RBFOX1: variants seen among roughly 807,000 people sequenced by gnomAD.
RBFOX1 encodes RNA binding fox-1 homolog 1.
In RBFOX1, 8 loss-of-function variants were observed where a neutral mutation model predicts 57.7. The ratio of observed to expected loss-of-function variants is 0.14; its 90% CI spans 0.08 to 0.25. RBFOX1 has a LOEUF of 0.25. RBFOX1 is among the 10% of genes least tolerant of loss of function. RBFOX1 has a pLI of 1.00. For missense variants in RBFOX1, 611 were observed against 548.5 expected (o/e 1.11, Z -1.14); for synonymous variants, 326 against 222.4 (o/e 1.47, Z -4.15).
At chr16:7,189,075 T>C (rs1025448930) in intron 4 of RBFOX1, among the ~76,000 whole-genome samples, 1 of 151,098 alleles carries the variant, frequency 6.6e-6, no homozygotes, top group African/African-American at 2.4e-5. Context: ...TCTCAATGGA[T>C]AGAATCCTCA....
chr16:7,327,749 C>T (rs1003774141), intron 4 of RBFOX1, among the ~76,000 whole-genome samples: 2 of 152,092 alleles, frequency 1.3e-5, no homozygotes, highest in South Asian at 4.1e-4. Context: ...CTAGATCTTC[C>T]AGTGTTTCAA....
chr16:6,911,917 C>T (rs1429029442), intron 3 of RBFOX1, among the ~76,000 whole-genome samples: 4 of 152,110 alleles, frequency 2.6e-5, no homozygotes, highest in Non-Finnish European at 5.9e-5. Context: ...ATATAGAAGA[C>T]ACAGTGTAAG....
chr16:7,176,759 A>G (rs58354670), intron 4 of RBFOX1, among the ~76,000 whole-genome samples: 2,776 of 152,288 alleles, frequency 0.018, 83 homozygotes, highest in African/African-American at 0.063. Flanking sequence ...TCAAGGTAAG[A>G]CAGACACGAC....
intron 3 of RBFOX1, among the ~76,000 whole-genome samples, chr16:5,753,075 G>C (rs954588507): frequency 6.6e-6 from 1 of 151,904 alleles, no homozygotes; most frequent in Non-Finnish European, 1.5e-5. Context: ...TGGGAGGATT[G>C]CTTTAACCTA....
intron 1 of RBFOX1, among the ~76,000 whole-genome samples, chr16:6,093,753 C>G (rs1211591186): frequency 5.3e-5 from 8 of 152,004 alleles, no homozygotes; most frequent in African/African-American, 1.4e-4. Flanking sequence ...TCCTAAATAG[C>G]TGGGACCACA....
Position 6,019,537 on chromosome 16 carries a change from C to T in RBFOX1, c.-582C>T, listed in dbSNP as rs2095027615. On this transcript the variant is annotated 5_prime_UTR_variant, in exon 1 of 16. Coordinates refer to ENST00000550418, the MANE Select transcript of RBFOX1 (RefSeq NM_018723.4). This position sits in a 1 kb window ranked among gnomAD's most constrained non-coding sequence, Gnocchi z 4.2. ...TGGGGCGGGGGCGCTCTGCCAGCCC[C>T]GGGAACAGCAGAGGCGGCGGCACTG... 1 of 1,087,516 alleles carries T rather than the reference C, an allele frequency of 9.2e-7. No individual in the cohort carries two copies. Among genetic ancestry groups the T allele is most frequent in the Non-Finnish European group, 1.1e-6 (1 of 895,856 alleles). 67.4% of individuals were successfully genotyped at this position (1,087,516 alleles called of 1,614,324 possible). A position where few individuals can be genotyped will look rare whatever the true frequency, so the allele number is the denominator to read the frequency against.
chr16:6,578,347 C>T (rs867637387), intron 2 of RBFOX1, among the ~76,000 whole-genome samples: 1 of 152,064 alleles, frequency 6.6e-6, no homozygotes, highest in Admixed American at 6.5e-5. Flanking sequence ...AGCAATGTCC[C>T]CGGGACACAG....
At position 7,333,036 on chromosome 16, in the gene RBFOX1, A is replaced by G. The variant is rs759616730; in HGVS notation, c.28-185111A>G. The G allele has an allele frequency of 5.0e-6, 8 of 1,613,748 alleles. No individual in the cohort carries two copies. The East Asian group carries it at 1.6e-4, about 31-fold the overall frequency. Reference sequence around the variant, plus strand: ...TCTCAAGGAGTTCTCCTGCATCCTTATGGCGTGCCTATGATTGTACCGGCA... The same window carrying G: ...TCTCAAGGAGTTCTCCTGCATCCTTGTGGCGTGCCTATGATTGTACCGGCA... On this transcript the variant is annotated intron_variant, in intron 4 of 15. Coordinates refer to ENST00000550418, the MANE Select transcript of RBFOX1 (RefSeq NM_018723.4).
chr16:5,461,521 T>C (rs1465778256), intron 1 of RBFOX1, among the ~76,000 whole-genome samples: 4 of 152,206 alleles, frequency 2.6e-5, no homozygotes, highest in Admixed American at 6.5e-5. Flanking sequence ...GAAAGTTTCA[T>C]GCAGTTTTTT....
intron 2 of RBFOX1, among the ~76,000 whole-genome samples, chr16:6,583,130 A>C (rs992380202): frequency 2.0e-5 from 3 of 151,960 alleles, no homozygotes; most frequent in Non-Finnish European, 2.9e-5. Flanking sequence ...AGCATTCTCC[A>C]CTCAGAAAGC....
At chr16:5,633,399 G>A (rs1358254630) in intron 3 of RBFOX1, among the ~76,000 whole-genome samples, 1 of 152,108 alleles carries the variant, frequency 6.6e-6, no homozygotes, top group African/African-American at 2.4e-5. Context: ...TTCATTACAT[G>A]GATGAGCTCT....
intron 3 of RBFOX1, among the ~76,000 whole-genome samples, chr16:5,793,762 C>T (rs1280938859): frequency 1.3e-5 from 2 of 151,552 alleles, no homozygotes; most frequent in African/African-American, 4.9e-5. Flanking sequence ...TGTGTGCATG[C>T]ATGCATGTGT....
chr16:7,482,033 G>A (rs141097150), intron 4 of RBFOX1, among the ~76,000 whole-genome samples: 7 of 152,282 alleles, frequency 4.6e-5, no homozygotes, highest in East Asian at 3.9e-4. Context: ...GTCTTGAGTC[G>A]GGGCGATCTG....
chr16:6,888,944 T>A (rs2064789441), intron 3 of RBFOX1, among the ~76,000 whole-genome samples: 1 of 152,224 alleles, frequency 6.6e-6, no homozygotes, highest in Admixed American at 6.5e-5. Flanking sequence ...TTTAATCACT[T>A]ACTTACTGTA....
intron 3 of RBFOX1, among the ~76,000 whole-genome samples, chr16:7,044,821 C>A (rs2047354460): frequency 6.6e-6 from 1 of 152,268 alleles, no homozygotes; most frequent in South Asian, 2.1e-4. Flanking sequence ...TCATCACAGA[C>A]TGTAGGGAGT....
At chr16:6,653,970 C>CGGATGGATGGATGGATGGAT in intron 2 of RBFOX1, among the ~76,000 whole-genome samples, 1 of 75,304 alleles carries the variant, frequency 1.3e-5, no homozygotes, top group East Asian at 4.9e-4. Flanking sequence ...GATGGTTGGA[C>CGGATGGATGGATGGATGGAT]GGATGGATGG....
intron 2 of RBFOX1, among the ~76,000 whole-genome samples, chr16:5,572,381 T>C (rs139327914): frequency 3.2e-4 from 48 of 152,350 alleles, no homozygotes; most frequent in African/African-American, 1.1e-3. Context: ...CTGAGGCCAC[T>C]AACAGTATAT....
At chr16:5,924,176 A>C (rs1263424224) in intron 4 of RBFOX1, among the ~76,000 whole-genome samples, 1 of 152,054 alleles carries the variant, frequency 6.6e-6, no homozygotes, top group Non-Finnish European at 1.5e-5. Context: ...CCATTATTGT[A>C]AGTTTCCTGA....
At chr16:7,425,859 C>T (rs1326730110) in intron 4 of RBFOX1, among the ~76,000 whole-genome samples, 1 of 152,138 alleles carries the variant, frequency 6.6e-6, no homozygotes, top group South Asian at 2.1e-4. Context: ...TTCTATTTTA[C>T]ATGAGCATTA....
Sources: gnomAD v4.1 joint callset for allele counts (sites outside exome capture counted in the v4.1 genomes callset) on GRCh38, gnomAD v4.1.1 for gene constraint, Gnocchi (gnomAD v3.1) non-coding constraint, MANE v1.5 for transcripts, NCBI Gene and HGNC (gene_info 2026-07-23, HGNC 2026-07-21) for gene names.